Variants in STK32B observed in about 807,000 individuals in gnomAD.
The protein encoded by STK32B is serine/threonine-protein kinase 32B.
Under a neutral mutation model 52.6 loss-of-function variants are expected in STK32B, and 43 were observed. That is an observed-to-expected ratio of 0.82 (90% CI 0.64 to 1.05). The LOEUF (loss-of-function observed/expected upper bound fraction) is 1.05, where lower values mean the gene tolerates loss of function less well. Ranked by LOEUF, STK32B falls within the 50% of genes least tolerant of loss-of-function variation. The pLI, the probability that STK32B is intolerant of heterozygous loss-of-function variation, is 0.00. For missense variants in STK32B, 621 were observed against 534.6 expected (o/e 1.16, Z -1.59); for synonymous variants, 238 against 204.3 (o/e 1.17, Z -1.41).
chr4:5,440,041 G>T (rs935752273), intron 6 of STK32B, among the ~76,000 whole-genome samples: 5 of 152,118 alleles, frequency 3.3e-5, no homozygotes, highest in African/African-American at 1.2e-4. Context: ...GTAGTGTGAT[G>T]CCTCCAGCTT....
intron 3 of STK32B, among the ~76,000 whole-genome samples, chr4:5,176,979 A>T (rs1433657434): frequency 6.6e-6 from 1 of 152,192 alleles, no homozygotes; most frequent in African/African-American, 2.4e-5. Flanking sequence ...TGTCATAATG[A>T]CATTATAATG....
chr4:5,310,083 T>C (rs1314279590), intron 3 of STK32B, among the ~76,000 whole-genome samples: 6 of 152,048 alleles, frequency 3.9e-5, no homozygotes, highest in Admixed American at 3.3e-4. Flanking sequence ...GGAGAATCGC[T>C]TGAACCCAGG....
At chr4:5,456,955 G>A in intron 8 of STK32B, 32 bp downstream of exon 8, 1 of 1,465,688 alleles carries the variant, frequency 6.8e-7, no homozygotes, top group Non-Finnish European at 9.2e-7. Flanking sequence ...TGCCCCGCCA[G>A]GGAGCTACGG....
intron 9 of STK32B, among the ~76,000 whole-genome samples, chr4:5,461,290 T>A (rs1238263075): frequency 2.0e-4 from 31 of 152,140 alleles, no homozygotes; most frequent in Admixed American, 2.0e-3. Flanking sequence ...CAGCCCCGTA[T>A]TATGTGAATG....
At chr4:5,240,045 A>T (rs1404359857) in intron 3 of STK32B, among the ~76,000 whole-genome samples, 14 of 122,550 alleles carry the variant, frequency 1.1e-4, no homozygotes, top group South Asian at 5.2e-4. Context: ...TCCCCCCTTC[A>T]TTTCTCTTCT....
intron 3 of STK32B, among the ~76,000 whole-genome samples, chr4:5,179,676 TGGTCAGTACTC>T (rs1191384418): frequency 2.0e-5 from 3 of 152,190 alleles, no homozygotes; most frequent in Non-Finnish European, 4.4e-5. Flanking sequence ...ACCAGATCAT[TGGTCAGTACTC>T]AGAACTTTGC....
At chr4:5,490,104 AG>A (rs1481850928) in intron 11 of STK32B, among the ~76,000 whole-genome samples, 9 of 143,854 alleles carry the variant, frequency 6.3e-5, no homozygotes, top group African/African-American at 2.3e-4. Context: ...TGTTGTTTTA[AG>A]TAGGCATTTT....
chr4:5,346,173 C>T (rs1733443908), intron 4 of STK32B, among the ~76,000 whole-genome samples: 1 of 152,132 alleles, frequency 6.6e-6, no homozygotes, highest in Admixed American at 6.6e-5. Flanking sequence ...GTAGTGGTTC[C>T]CGTTTGCCAA....
intron 5 of STK32B, among the ~76,000 whole-genome samples, chr4:5,408,833 C>G (rs112274136): frequency 1.1e-3 from 164 of 152,232 alleles, no homozygotes; most frequent in Middle Eastern, 3.4e-3. Context: ...AGTGGTCTTG[C>G]CACCCCATGA....
chr4:5,292,549 TG>T (rs1728954782), intron 3 of STK32B, among the ~76,000 whole-genome samples: 1 of 152,066 alleles, frequency 6.6e-6, no homozygotes, highest in Admixed American at 6.6e-5. Context: ...AGTGCTTTAT[TG>T]GGTGCATAAT....
At chr4:5,485,101 C>T (rs900587092) in intron 11 of STK32B, among the ~76,000 whole-genome samples, 28 of 151,644 alleles carry the variant, frequency 1.8e-4, no homozygotes, top group South Asian at 4.2e-4. Context: ...ATCTTGGTGG[C>T]GTTCTCTGTA....
At chr4:5,134,858 C>G (rs1021273946) in intron 1 of STK32B, among the ~76,000 whole-genome samples, 4 of 152,234 alleles carry the variant, frequency 2.6e-5, no homozygotes, top group African/African-American at 7.2e-5. Flanking sequence ...GGTTTACTTT[C>G]CATTAGAGAT....
chr4:5,222,982 CTTGAGGCAGAGTGGTT>C (rs1431471831), intron 3 of STK32B, among the ~76,000 whole-genome samples: 8 of 152,186 alleles, frequency 5.3e-5, no homozygotes, highest in Non-Finnish European at 1.0e-4. Context: ...GTGCCAGGGC[CTTGAGGCAGAGTGGTT>C]TTGAGGGAGA....
intron 3 of STK32B, among the ~76,000 whole-genome samples, chr4:5,305,629 A>C (rs751234069): frequency 3.3e-5 from 5 of 151,934 alleles, no homozygotes; most frequent in African/African-American, 4.8e-5. Flanking sequence ...TATCAATTTT[A>C]TTCATCGTTT....
chr4:5,193,215 A>C lies in STK32B; in HGVS notation c.260+24765A>C, dbSNP rs115688074. The stretch of plus-strand genomic sequence containing the variant: ...AACCTGACCCTTAAGAGCATGTTGG[A>C]ATCCGCTCTCAGCTTGTGTCACTGC... On this transcript the variant is annotated intron_variant, in intron 3 of 11. Coordinates refer to ENST00000282908, the MANE Select transcript of STK32B (RefSeq NM_018401.3). 6.6e-3 allele frequency among the ~76,000 whole-genome samples: 1,009 copies of C among 152,196 alleles called. 15 individuals are homozygous for C. Among genetic ancestry groups the C allele is most frequent in the African/African-American group, 0.023 (947 of 41,542 alleles).
At chr4:5,439,826 A>G (rs979970180) in intron 6 of STK32B, among the ~76,000 whole-genome samples, 3 of 151,566 alleles carry the variant, frequency 2.0e-5, no homozygotes, top group African/African-American at 7.2e-5. Flanking sequence ...CCATATGGCT[A>G]GCCAGTTTTC....
chr4:5,104,708 A>T (rs989625672), intron 1 of STK32B, among the ~76,000 whole-genome samples: 1 of 152,224 alleles, frequency 6.6e-6, no homozygotes, highest in African/African-American at 2.4e-5. Flanking sequence ...GGTCATTCTT[A>T]TCACAAATTG....
chr4:5,132,651 G>C (rs994211824), intron 1 of STK32B, among the ~76,000 whole-genome samples: 4 of 152,062 alleles, frequency 2.6e-5, no homozygotes, highest in East Asian at 1.9e-4. Context: ...CAGTCCTGCT[G>C]ACAGCAGGAT....
intron 2 of STK32B, among the ~76,000 whole-genome samples, chr4:5,143,050 C>T (rs1200590300): frequency 1.3e-5 from 2 of 152,106 alleles, no homozygotes; most frequent in African/African-American, 2.4e-5. Context: ...TTTGCAAGCC[C>T]CTACAGTTGT....
Sources: allele counts gnomAD v4.1 joint callset (sites outside exome capture counted in the v4.1 genomes callset), GRCh38; gene constraint gnomAD v4.1.1; transcripts MANE v1.5; gene names NCBI Gene and HGNC (gene_info 2026-07-23, HGNC 2026-07-21).